Variants in SPIDR observed in about 807,000 individuals in gnomAD.
SPIDR encodes the protein scaffold protein involved in DNA repair.
Under a neutral mutation model 104.6 loss-of-function variants are expected in SPIDR, and 93 were observed. That is an observed-to-expected ratio of 0.89 (90% CI 0.75 to 1.06). SPIDR has a LOEUF of 1.06. Ranked by LOEUF, SPIDR falls within the 50% of genes least tolerant of loss-of-function variation. The probability of loss-of-function intolerance (pLI) is 0.00; values close to 1 mark genes in which losing one functional copy is unlikely to be tolerated. For missense variants in SPIDR, 1,154 were observed against 1,111.2 expected, an observed-to-expected ratio of 1.04 and a Z score of -0.55; for synonymous variants, 431 against 416.9, an observed-to-expected ratio of 1.03 and a Z score of -0.41.
intron 7 of SPIDR, among the ~76,000 whole-genome samples, chr8:47,435,739 G>T (rs577674947): frequency 6.6e-6 from 1 of 152,180 alleles, no homozygotes; most frequent in Admixed American, 6.5e-5. Flanking sequence ...CTCAGAGTCC[G>T]TTTCTCAACC....
chr8:47,519,935 A>G (rs930647486), intron 8 of SPIDR, among the ~76,000 whole-genome samples: 2 of 152,244 alleles, frequency 1.3e-5, no homozygotes, highest in Non-Finnish European at 1.5e-5. Context: ...GAATTAGTCA[A>G]TGAGCATAGA....
At chr8:47,453,648 T>C (rs1281604592) in intron 8 of SPIDR, among the ~76,000 whole-genome samples, 2 of 152,158 alleles carry the variant, frequency 1.3e-5, no homozygotes, top group Non-Finnish European at 2.9e-5. Context: ...AAAAACTGGC[T>C]AGCCATATGT....
intron 5 of SPIDR, among the ~76,000 whole-genome samples, chr8:47,358,097 G>A (rs2054918503): frequency 1.3e-5 from 2 of 152,058 alleles, no homozygotes; most frequent in Non-Finnish European, 2.9e-5. Context: ...ATTTGTTTTA[G>A]GTCTCGCTCT....
intron 8 of SPIDR, among the ~76,000 whole-genome samples, chr8:47,516,858 A>G (rs2083244738): frequency 6.6e-6 from 1 of 152,156 alleles, no homozygotes; most frequent in South Asian, 2.1e-4. Flanking sequence ...ATTGTTTTCC[A>G]CAGAGGTTGC....
chr8:47,547,223 A>C, intron 8 of SPIDR: 1 of 652,908 alleles, frequency 1.5e-6, no homozygotes, highest in Non-Finnish European at 2.9e-6. Context: ...CTCACTTTGC[A>C]CAACTTGTAC....
chr8:47,624,986 C>T (rs895735208), intron 10 of SPIDR, among the ~76,000 whole-genome samples: 2 of 152,154 alleles, frequency 1.3e-5, no homozygotes, highest in African/African-American at 4.8e-5. Context: ...CAAAAATCCT[C>T]AATAAAATAC....
rs138049443 is a variant in SPIDR at position 47,423,553 on chromosome 8, G to A, written c.877+15592G>A. On this transcript the variant is annotated intron_variant, in intron 7 of 19. Transcript: ENST00000297423. ...GGAGGCAGAGGTTTTTGTGAGCCGA[G>A]ATCACGCCACTGCACTGCTATCTGG... Among the ~76,000 whole-genome samples, 357 of 152,124 alleles carry A rather than the reference G, an allele frequency of 2.3e-3. 1 individual carries two copies. Among genetic ancestry groups the A allele is most frequent in the African/African-American group, 6.4e-3 (266 of 41,498 alleles).
chr8:47,367,161 G>C (rs782557839), intron 5 of SPIDR, among the ~76,000 whole-genome samples: 20 of 152,206 alleles, frequency 1.3e-4, no homozygotes, highest in Admixed American at 3.9e-4. Context: ...ATTCGAAGCA[G>C]GAGAGGGGTT....
chr8:47,453,379 A>G (rs2072266820), intron 8 of SPIDR, among the ~76,000 whole-genome samples: 1 of 152,168 alleles, frequency 6.6e-6, no homozygotes, highest in Admixed American at 6.5e-5. Flanking sequence ...TGCAGTTCAT[A>G]TGGAACCAGA....
intron 10 of SPIDR, among the ~76,000 whole-genome samples, chr8:47,647,677 G>GTA (rs2070781833): frequency 1.4e-5 from 1 of 69,556 alleles, no homozygotes; most frequent in African/African-American, 4.1e-5. Flanking sequence ...AGGGAGAGAG[G>GTA]GAGAGAGAGA....
intron 5 of SPIDR, among the ~76,000 whole-genome samples, chr8:47,341,302 T>A (rs1200964410): frequency 2.0e-5 from 3 of 152,334 alleles, no homozygotes; most frequent in South Asian, 4.1e-4. Flanking sequence ...ATATTCCCTT[T>A]CCATATGTAA....
intron 5 of SPIDR, among the ~76,000 whole-genome samples, chr8:47,311,080 A>C (rs1358795338): frequency 6.6e-6 from 1 of 152,200 alleles, no homozygotes; most frequent in Non-Finnish European, 1.5e-5. Flanking sequence ...AAATATGTAC[A>C]CCATGAATAA....
chr8:47,557,282 A>G (rs1045783492), intron 8 of SPIDR, among the ~76,000 whole-genome samples: 9 of 152,220 alleles, frequency 5.9e-5, no homozygotes, highest in Admixed American at 5.2e-4. Context: ...TGGGTAGTCA[A>G]TGCGGCAGGC....
At position 47,396,643 on chromosome 8, in the gene SPIDR, T is replaced by G. The variant is rs781807952; in HGVS notation, c.776+17T>G. 2 of 1,561,496 alleles carry G rather than the reference T, an allele frequency of 1.3e-6. No individual in the cohort carries two copies. The highest frequency in any genetic ancestry group is 2.8e-5 in the African/African-American group (2 of 72,130). On this transcript the variant is annotated intron_variant, in intron 6 of 19. Coordinates refer to ENST00000297423, the MANE Select transcript of SPIDR (RefSeq NM_001080394.4). ...GCTTTTAAGGTTAAATTATACCCTTTTAAATACTCTTTTTAAATTTTTCTC... is the reference window on the plus strand; with the variant it reads ...GCTTTTAAGGTTAAATTATACCCTTGTAAATACTCTTTTTAAATTTTTCTC...
At chr8:47,417,732 T>A (rs1588438022) in intron 7 of SPIDR, among the ~76,000 whole-genome samples, 1 of 152,342 alleles carries the variant, frequency 6.6e-6, no homozygotes, top group East Asian at 1.9e-4. Flanking sequence ...GCCTAGGTTT[T>A]CTTCTAGGGT....
intron 5 of SPIDR, among the ~76,000 whole-genome samples, chr8:47,352,503 G>C (rs910087436): frequency 1.3e-5 from 2 of 152,102 alleles, no homozygotes; most frequent in African/African-American, 4.8e-5. Flanking sequence ...CAATGTTGAG[G>C]GGTGAAAGGA....
At chr8:47,480,530 T>G (rs2076787681) in intron 8 of SPIDR, among the ~76,000 whole-genome samples, 1 of 152,188 alleles carries the variant, frequency 6.6e-6, no homozygotes, top group Non-Finnish European at 1.5e-5. Context: ...TCTGCACTAA[T>G]AGATAGTGTT....
chr8:47,307,265 GGCTGGA>G, intron 5 of SPIDR, among the ~76,000 whole-genome samples: 1 of 150,746 alleles, frequency 6.6e-6, no homozygotes, highest in Non-Finnish European at 1.5e-5. Context: ...CTATCGCCCA[GGCTGGA>G]GTGCAGTGGC....
rs563587567 is a variant in SPIDR, at chr8:47,411,263, T to A, written c.877+3302T>A. On this transcript the variant is annotated intron_variant, in intron 7 of 19. Transcript: ENST00000297423. Reference sequence around the variant, plus strand: ...GACTTCCACAATGATTGAACTAGTTTACAGTCCCACCAACAGTGTAAAAGT... The same window carrying A: ...GACTTCCACAATGATTGAACTAGTTAACAGTCCCACCAACAGTGTAAAAGT... Among the ~76,000 whole-genome samples the A allele has an allele frequency of 2.0e-5, 3 of 152,342 alleles. No individual in the cohort carries two copies. The East Asian group carries it at 5.8e-4, about 29-fold the overall frequency.
Sources: allele counts gnomAD v4.1 joint callset (sites outside exome capture counted in the v4.1 genomes callset), GRCh38; gene constraint gnomAD v4.1.1; transcripts MANE v1.5; gene names NCBI Gene and HGNC (gene_info 2026-07-23, HGNC 2026-07-21).